Variants in COL22A1 observed in about 807,000 individuals in gnomAD.
COL22A1 encodes collagen alpha-1(XXII) chain.
In COL22A1, 221 loss-of-function variants were observed where a neutral mutation model predicts 248.9. The ratio of observed to expected loss-of-function variants is 0.89; its 90% CI spans 0.80 to 0.99. The LOEUF is 0.99. Ranked by LOEUF, COL22A1 falls within the 50% of genes least tolerant of loss-of-function variation. COL22A1 has a pLI of 0.00. For missense variants in COL22A1, 2,240 were observed against 2,179.0 expected (o/e 1.03, Z -0.56); for synonymous variants, 891 against 793.4 (o/e 1.12, Z -2.07).
intron 1 of COL22A1, among the ~76,000 whole-genome samples, chr8:138,898,937 CA>C (rs1412450852): frequency 6.6e-6 from 1 of 152,084 alleles, no homozygotes; most frequent in Non-Finnish European, 1.5e-5. Context: ...AACAAAAATA[CA>C]AAAAAACCTG....
At chr8:138,659,747 C>T (rs1823616027) in intron 44 of COL22A1, among the ~76,000 whole-genome samples, 1 of 152,180 alleles carries the variant, frequency 6.6e-6, no homozygotes, top group East Asian at 1.9e-4. Flanking sequence ...TCAGGGAAGC[C>T]TATATATAGG....
intron 63 of COL22A1, among the ~76,000 whole-genome samples, chr8:138,593,551 C>T (rs1817267553): frequency 6.6e-6 from 1 of 152,154 alleles, no homozygotes; most frequent in African/African-American, 2.4e-5. Context: ...ATCATATGGC[C>T]TCCGCCCTTT....
At chr8:138,773,820 C>T (rs1410392190) in intron 16 of COL22A1, among the ~76,000 whole-genome samples, 1 of 152,234 alleles carries the variant, frequency 6.6e-6, no homozygotes, top group Non-Finnish European at 1.5e-5. Context: ...CCCCACATGC[C>T]TGGGCCTTCT....
At chr8:138,766,637 C>T (rs11166844) in intron 16 of COL22A1, among the ~76,000 whole-genome samples, 77,456 of 151,898 alleles carry the variant, frequency 0.51, 22,598 homozygotes, top group East Asian at 0.84. Flanking sequence ...TTAAGACAGG[C>T]GCAGACAGAG....
intron 1 of COL22A1, 42 bp downstream of exon 1, chr8:138,913,577 T>A (rs1815612072): frequency 1.3e-5 from 2 of 152,426 alleles, no homozygotes; most frequent in African/African-American, 4.8e-5. Context: ...CTGAAGTCTG[T>A]GACCTTCAGC....
rs1818256840 is a variant in COL22A1, at chr8:138,604,175, C to G, written c.4140+559G>C. ...GGAGCTAAGAGGCCAGTGACTAGAG[C>G]TTAGAGAAGGAGGGGAGTGGTGGGA... is the stretch of plus-strand genomic sequence containing the variant. On this transcript the variant is annotated intron_variant, in intron 59 of 64. Coordinates refer to ENST00000303045, the MANE Select transcript of COL22A1 (RefSeq NM_152888.3). Among the ~76,000 whole-genome samples, 3 of 152,224 alleles carry G rather than the reference C, an allele frequency of 2.0e-5. No individual in the cohort carries two copies. The South Asian group carries it at 6.2e-4, about 32-fold the overall frequency.
At chr8:138,593,848 A>T (rs557636329) in intron 63 of COL22A1, among the ~76,000 whole-genome samples, 169 bp downstream of exon 63, 68 of 152,182 alleles carry the variant, frequency 4.5e-4, no homozygotes, top group Non-Finnish European at 9.1e-4. Flanking sequence ...TCAAGTATGA[A>T]AGCCTCTTAT....
At chr8:138,637,132 T>G (rs1020384672) in intron 47 of COL22A1, among the ~76,000 whole-genome samples, 9 of 152,276 alleles carry the variant, frequency 5.9e-5, no homozygotes, top group African/African-American at 2.2e-4. Flanking sequence ...ATTAAAAGGA[T>G]GTGAAATTGT....
At chr8:138,668,166 T>C (rs1656264126) in intron 41 of COL22A1, among the ~76,000 whole-genome samples, 1 of 152,136 alleles carries the variant, frequency 6.6e-6, no homozygotes, top group African/African-American at 2.4e-5. Flanking sequence ...TATTATAAGA[T>C]TGTGGTTCTG....
In COL22A1 at chr8:138,677,228, A is replaced by C. The variant is rs200577432; in HGVS notation, c.3073-593T>G. Among the ~76,000 whole-genome samples, 9 of 152,354 alleles carry C rather than the reference A, an allele frequency of 5.9e-5. No homozygotes were observed. The East Asian group carries it at 9.7e-4, about 16-fold the overall frequency. On this transcript the variant is annotated intron_variant, in intron 40 of 64. Transcript: ENST00000303045. ...TTCAACACCTATTAACTGTTAACTTAGGAAAGTGATGAGTTCCTATGCTCT... is the reference window on the plus strand; with the variant it reads ...TTCAACACCTATTAACTGTTAACTTCGGAAAGTGATGAGTTCCTATGCTCT...
At chr8:138,698,944 A>G (rs1304204746) in intron 32 of COL22A1, among the ~76,000 whole-genome samples, 2 of 152,216 alleles carry the variant, frequency 1.3e-5, no homozygotes, top group Non-Finnish European at 2.9e-5. Context: ...TAATCCTGAA[A>G]GTGTATTTTT....
chr8:138,687,829 G>A (rs932893180), intron 37 of COL22A1, among the ~76,000 whole-genome samples: 6 of 152,196 alleles, frequency 3.9e-5, no homozygotes, highest in African/African-American at 1.4e-4. Context: ...GTTCTTATAA[G>A]GGGAATGTCT....
chr8:138,634,477 G>A (rs762683054), intron 49 of COL22A1, among the ~76,000 whole-genome samples: 1 of 152,100 alleles, frequency 6.6e-6, no homozygotes, highest in African/African-American at 2.4e-5. Context: ...CTGATCAGAG[G>A]AGGAACATGA....
Position 138,703,207 on chromosome 8 carries a change from G to A in COL22A1, c.2559+99C>T, listed in dbSNP as rs776614571. 1.4e-5 allele frequency: 15 copies of A among 1,082,258 alleles called. 1 individual carries two copies. The highest frequency in any genetic ancestry group is 6.9e-5 in the Admixed American group (4 of 57,684). 67.0% of individuals were successfully genotyped at this position (1,082,258 alleles called of 1,614,324 possible). A position where few individuals can be genotyped will look rare whatever the true frequency, so the allele number is the denominator to read the frequency against. ...CTAGCTATTGGCAAACTCCAATAGG[G>A]GAGATATTTAAAACTAAGTAGTGGC... On this transcript the variant is annotated intron_variant, in intron 31 of 64. Coordinates refer to ENST00000303045, the MANE Select transcript of COL22A1 (RefSeq NM_152888.3).
At chr8:138,639,653 G>A (rs1671412742) in intron 47 of COL22A1, among the ~76,000 whole-genome samples, 1 of 151,924 alleles carries the variant, frequency 6.6e-6, no homozygotes, top group African/African-American at 2.4e-5. Context: ...TTTTTTTTTA[G>A]GGGGGGTCTC....
At chr8:138,839,557 A>G (rs1820712676) in intron 4 of COL22A1, among the ~76,000 whole-genome samples, 1 of 152,208 alleles carries the variant, frequency 6.6e-6, no homozygotes, top group Non-Finnish European at 1.5e-5. Flanking sequence ...ACGCAGCCCA[A>G]GGCACTCTGC....
chr8:138,796,269 G>A (rs1362646076), intron 12 of COL22A1, among the ~76,000 whole-genome samples: 1 of 151,900 alleles, frequency 6.6e-6, no homozygotes, highest in Admixed American at 6.6e-5. Context: ...AACATGCATA[G>A]CTGGGGAGAA....
Position 138,866,349 on chromosome 8 carries a change from C to T in COL22A1, c.658+11401G>A, listed in dbSNP as rs369025042. Among the ~76,000 whole-genome samples, 31 of 152,276 alleles carry T rather than the reference C, an allele frequency of 2.0e-4. 2 individuals are homozygous for T. Among genetic ancestry groups the T allele is most frequent in the Admixed American group, 1.3e-3 (20 of 15,298 alleles). Reference sequence around the variant, plus strand: ...AGAGGCACTCAGAAGTGCAGAGTTCCTCCATGAATTTCTTACATAAATGCA... The same window carrying T: ...AGAGGCACTCAGAAGTGCAGAGTTCTTCCATGAATTTCTTACATAAATGCA... On this transcript the variant is annotated intron_variant, in intron 3 of 64. Coordinates refer to ENST00000303045, the MANE Select transcript of COL22A1 (RefSeq NM_152888.3).
intron 50 of COL22A1, 133 bp downstream of exon 50, chr8:138,630,562 T>G (rs564573172): frequency 1.3e-6 from 1 of 754,854 alleles, no homozygotes; most frequent in East Asian, 2.5e-5. Context: ...TTGCAAGACT[T>G]GTAGTGAACA....
Sources: allele counts gnomAD v4.1 joint callset (sites outside exome capture counted in the v4.1 genomes callset), GRCh38; gene constraint gnomAD v4.1.1; transcripts MANE v1.5; gene names NCBI Gene and HGNC (gene_info 2026-07-23, HGNC 2026-07-21).